Variants in CREB3L2 observed in about 807,000 individuals in gnomAD.
CREB3L2 encodes the protein cAMP responsive element binding protein 3 like 2.
CREB3L2 carries 23 observed loss-of-function variants against 57.2 expected under a neutral mutation model. The ratio of observed to expected loss-of-function variants is 0.40; its 90% CI spans 0.29 to 0.57. The LOEUF is 0.57. Among genes scored for constraint, CREB3L2 ranks in the 20% least tolerant of loss-of-function variants. The pLI, the probability that CREB3L2 is intolerant of heterozygous loss-of-function variation, is 0.42. For missense variants in CREB3L2, 628 were observed against 634.7 expected (o/e 0.99, Z 0.11); for synonymous variants, 268 against 265.1 (o/e 1.01, Z -0.11).
rs1378421795 is a variant in CREB3L2, at chr7:137,879,177, A to C, written c.*1299T>G. ...AAGTTACTTTTAACCATAAAAAAAA[A>C]ACAAAAAAACTAAAAGTAGGTTGGG... On this transcript the variant is annotated 3_prime_UTR_variant, in exon 12 of 12. Transcript: ENST00000330387. 3 of 511,120 alleles carry C rather than the reference A, an allele frequency of 5.9e-6. No individual in the cohort carries two copies. Among genetic ancestry groups the C allele is most frequent in the Non-Finnish European group, 7.4e-6 (2 of 271,378 alleles). The allele number at this position is 511,120 out of a possible 1,614,324, so 31.7% of individuals were successfully genotyped here. A position where few individuals can be genotyped will look rare whatever the true frequency, so the allele number is the denominator to read the frequency against.
At position 137,875,048 on chromosome 7, in the gene CREB3L2, T is replaced by C. The variant is rs1188639455; in HGVS notation, c.*5428A>G. ...AAAAGCATAACAATTTCAATTTATT[T>C]TTTTTTCCCAAACTAAGTACAAGTG... On this transcript the variant is annotated 3_prime_UTR_variant, in exon 12 of 12. Transcript: ENST00000330387. 1.0e-5 allele frequency: 2 copies of C among 191,210 alleles called. No homozygotes were observed. Among genetic ancestry groups the C allele is most frequent in the Non-Finnish European group, 2.2e-5 (2 of 91,352 alleles). The allele number at this position is 191,210 out of a possible 1,614,324, so 11.8% of individuals were successfully genotyped here. A position where few individuals can be genotyped will look rare whatever the true frequency, so the allele number is the denominator to read the frequency against.
chr7:137,960,471 T>A (rs1801299293), intron 1 of CREB3L2, among the ~76,000 whole-genome samples: 1 of 152,138 alleles, frequency 6.6e-6, no homozygotes, highest in Non-Finnish European at 1.5e-5. Flanking sequence ...TTGTGAAAAC[T>A]CAAATTCCGT....
At chr7:137,916,454 G>A (rs888520099) in intron 2 of CREB3L2, among the ~76,000 whole-genome samples, 2 of 152,170 alleles carry the variant, frequency 1.3e-5, no homozygotes, top group Admixed American at 6.5e-5. Flanking sequence ...AGTGGCTCAC[G>A]CAAGTAATCC....
Position 137,877,076 on chromosome 7 carries a change from A to G in CREB3L2, c.*3400T>C, listed in dbSNP as rs1461051758. On this transcript the variant is annotated 3_prime_UTR_variant, in exon 12 of 12. Transcript: ENST00000330387. ...AACAATTTTAAAAAACACTTATGAA[A>G]AAATGCTGGACACTTGACTCACTGC... The G allele has an allele frequency of 4.4e-6, 1 of 229,076 alleles. No homozygotes were observed. The highest frequency in any genetic ancestry group is 8.7e-6 in the Non-Finnish European group (1 of 115,472). 14.2% of individuals were successfully genotyped at this position (229,076 alleles called of 1,614,324 possible).
intron 1 of CREB3L2, among the ~76,000 whole-genome samples, chr7:137,992,699 C>T (rs929420703): frequency 1.3e-5 from 2 of 152,200 alleles, no homozygotes; most frequent in Non-Finnish European, 2.9e-5. Context: ...AAAACACTCA[C>T]ATTTAACAGC....
intron 1 of CREB3L2, among the ~76,000 whole-genome samples, chr7:137,963,895 A>G (rs1354184428): frequency 1.3e-5 from 2 of 152,226 alleles, no homozygotes; most frequent in Non-Finnish European, 2.9e-5. Context: ...TATCTGTTGA[A>G]GAAAGAAAGA....
intron 2 of CREB3L2, among the ~76,000 whole-genome samples, chr7:137,919,999 C>G (rs1057006441): frequency 1.3e-5 from 2 of 152,212 alleles, no homozygotes; most frequent in African/African-American, 4.8e-5. Flanking sequence ...GCCTGCTCCA[C>G]TTCATGGCTT....
intron 1 of CREB3L2, chr7:137,956,637 G>A (rs767902537): frequency 2.8e-5 from 36 of 1,288,980 alleles, no homozygotes; most frequent in Non-Finnish European, 3.5e-5. Flanking sequence ...CGAGAAGCCA[G>A]CAGCCCAGGT....
chr7:137,876,836 T>C lies in CREB3L2; in HGVS notation c.*3640A>G. 4.3e-6 allele frequency: 1 copy of C among 232,322 alleles called. No individual in the cohort carries two copies. Among genetic ancestry groups the C allele is most frequent in the East Asian group, 6.1e-5 (1 of 16,444 alleles). The allele number at this position is 232,322 out of a possible 1,614,324, so 14.4% of individuals were successfully genotyped here. A position where few individuals can be genotyped will look rare whatever the true frequency, so the allele number is the denominator to read the frequency against. On this transcript the variant is annotated 3_prime_UTR_variant, in exon 12 of 12. Coordinates refer to ENST00000330387, the MANE Select transcript of CREB3L2 (RefSeq NM_194071.4). Reference sequence around the variant, plus strand: ...CAGAGGAAGGGGAGGATGAAGGTCTTCTAGTGCATCTCTGCCCTCTCCGTG... The same window carrying C: ...CAGAGGAAGGGGAGGATGAAGGTCTCCTAGTGCATCTCTGCCCTCTCCGTG...
Position 137,877,393 on chromosome 7 carries a change from T to C in CREB3L2, c.*3083A>G, listed in dbSNP as rs1213216155. Reference sequence around the variant, plus strand: ...TGTCGGATTTTTATATAACACTCTCTTTATGTGAGCTAGACTCCAGAGTCC... The same window carrying C: ...TGTCGGATTTTTATATAACACTCTCCTTATGTGAGCTAGACTCCAGAGTCC... On this transcript the variant is annotated 3_prime_UTR_variant, in exon 12 of 12. Transcript: ENST00000330387. 2 of 226,762 alleles carry C rather than the reference T, an allele frequency of 8.8e-6. No homozygotes were observed. The highest frequency in any genetic ancestry group is 4.4e-5 in the African/African-American group (2 of 44,990). 14.0% of individuals were successfully genotyped at this position (226,762 alleles called of 1,614,324 possible). A position where few individuals can be genotyped will look rare whatever the true frequency, so the allele number is the denominator to read the frequency against.
chr7:137,931,859 A>C (rs1374961210), intron 1 of CREB3L2, among the ~76,000 whole-genome samples: 1 of 152,250 alleles, frequency 6.6e-6, no homozygotes, highest in Non-Finnish European at 1.5e-5. Context: ...ATTTAAAAAA[A>C]TTTGAATACA....
chr7:137,903,935 G>GC (rs1161495885), intron 7 of CREB3L2, 24 bp downstream of exon 7: 1 of 1,598,298 alleles, frequency 6.3e-7, no homozygotes, highest in African/African-American at 1.3e-5. Flanking sequence ...CCCGATGAAC[G>GC]CAACAGTTTG....
chr7:137,936,999 C>A (rs1195195386), intron 1 of CREB3L2, among the ~76,000 whole-genome samples: 1 of 152,150 alleles, frequency 6.6e-6, no homozygotes, highest in East Asian at 1.9e-4. Flanking sequence ...TAATAGGATT[C>A]AGAAAGCAGA....
chr7:137,888,512 C>T (rs1007187504), intron 8 of CREB3L2, among the ~76,000 whole-genome samples: 14 of 152,044 alleles, frequency 9.2e-5, no homozygotes, highest in East Asian at 3.8e-4. Context: ...ATTCTCACAG[C>T]GAGATTTCAC....
rs931960105 is a variant in CREB3L2 at position 137,940,745 on chromosome 7, G to GA, written c.103-12380dup. On this transcript the variant is annotated intron_variant, in intron 1 of 11. Transcript: ENST00000330387. ...CACTAACGGGCGATGAAGTTTGTGG[G>GA]AAAAAATGAACGGCATGCATGCTTC... is the stretch of plus-strand genomic sequence containing the variant. 3.9e-5 allele frequency among the ~76,000 whole-genome samples: 6 copies of GA among 152,270 alleles called. No homozygotes were observed. In the South Asian group the frequency reaches 1.0e-3, roughly 26 times the overall value.
chr7:137,904,494 C>A (rs1049144165), intron 6 of CREB3L2, among the ~76,000 whole-genome samples: 1 of 151,990 alleles, frequency 6.6e-6, no homozygotes, highest in Non-Finnish European at 1.5e-5. Flanking sequence ...GGTAAAACCC[C>A]GTCTACTAAA....
chr7:137,985,562 T>C (rs538835957), intron 1 of CREB3L2, among the ~76,000 whole-genome samples: 43 of 152,220 alleles, frequency 2.8e-4, no homozygotes, highest in African/African-American at 1.0e-3. Context: ...AACAGACCCC[T>C]AAACAGGTCA....
At chr7:137,962,112 C>A (rs1433189433) in intron 1 of CREB3L2, among the ~76,000 whole-genome samples, 1 of 152,192 alleles carries the variant, frequency 6.6e-6, no homozygotes, top group African/African-American at 2.4e-5. Context: ...GGAAGACTCA[C>A]TGAATGTTCA....
chr7:137,971,926 C>G (rs1229386055), intron 1 of CREB3L2, among the ~76,000 whole-genome samples: 1 of 133,504 alleles, frequency 7.5e-6, no homozygotes, highest in Admixed American at 7.2e-5. Context: ...CATTTGTTCA[C>G]TTCCTTAAAA....
Sources: gnomAD v4.1 joint callset for allele counts (sites outside exome capture counted in the v4.1 genomes callset) on GRCh38, gnomAD v4.1.1 for gene constraint, MANE v1.5 for transcripts, NCBI Gene and HGNC (gene_info 2026-07-23, HGNC 2026-07-21) for gene names.